CFAP299: variants seen among roughly 807,000 people sequenced by gnomAD.
CFAP299 encodes cilia and flagella associated protein 299, also known as cilia- and flagella-associated protein 299.
Under a neutral mutation model 27.0 loss-of-function variants are expected in CFAP299, and 21 were observed. That is an observed-to-expected ratio of 0.78 (90% CI 0.55 to 1.12). The LOEUF is 1.12. Ranked by LOEUF, CFAP299 falls within the 50% of genes most tolerant of loss-of-function variation. The pLI, the probability that CFAP299 is intolerant of heterozygous loss-of-function variation, is 0.00. For missense variants in CFAP299, 310 were observed against 276.6 expected, an observed-to-expected ratio of 1.12 and a Z score of -0.86; for synonymous variants, 104 against 98.1, an observed-to-expected ratio of 1.06 and a Z score of -0.36.
intron 3 of CFAP299, among the ~76,000 whole-genome samples, chr4:80,862,038 T>A (rs187975097): frequency 8.7e-4 from 132 of 152,312 alleles, no homozygotes; most frequent in African/African-American, 3.0e-3. Context: ...TGAGACAAGA[T>A]ATTCTTAAAT....
At chr4:80,518,266 G>A (rs566261491) in intron 2 of CFAP299, among the ~76,000 whole-genome samples, 6 of 152,216 alleles carry the variant, frequency 3.9e-5, no homozygotes, top group East Asian at 1.9e-4. Flanking sequence ...CAAGAGACTC[G>A]TAGATAAACA....
At chr4:80,867,863 A>G (rs1732838458) in intron 3 of CFAP299, among the ~76,000 whole-genome samples, 1 of 152,216 alleles carries the variant, frequency 6.6e-6, no homozygotes, top group Admixed American at 6.6e-5. Context: ...CCATGGCACT[A>G]TCTTTACATT....
At chr4:80,489,602 A>G (rs530551998) in intron 2 of CFAP299, among the ~76,000 whole-genome samples, 1 of 152,358 alleles carries the variant, frequency 6.6e-6, no homozygotes, top group East Asian at 1.9e-4. Context: ...ACTTTAATTC[A>G]GACAGCTGAC....
At chr4:80,824,584 T>C (rs1474938720) in intron 3 of CFAP299, among the ~76,000 whole-genome samples, 1 of 152,066 alleles carries the variant, frequency 6.6e-6, no homozygotes, top group East Asian at 1.9e-4. Flanking sequence ...GAGCCAGACA[T>C]TAGAGACCAG....
intron 3 of CFAP299, among the ~76,000 whole-genome samples, chr4:80,805,998 CAT>C (rs1257852937): frequency 3.3e-5 from 5 of 152,098 alleles, no homozygotes; most frequent in African/African-American, 1.2e-4. Context: ...GAATTAATAA[CAT>C]GTAAAATAAT....
chr4:80,326,095 T>C, the CFAP299 span, among the ~76,000 whole-genome samples: 2 of 152,252 alleles, frequency 1.3e-5, no homozygotes, highest in Non-Finnish European at 2.9e-5. Context: ...CAACTGTCGA[T>C]ATTAGATCCT....
At chr4:80,658,291 G>A (rs1259306854) in intron 3 of CFAP299, among the ~76,000 whole-genome samples, 1 of 152,102 alleles carries the variant, frequency 6.6e-6, no homozygotes, top group African/African-American at 2.4e-5. Context: ...GGTGAGAGAG[G>A]ACATCCTTGT....
At chr4:80,430,485 G>A (rs1038650636) in intron 2 of CFAP299, among the ~76,000 whole-genome samples, 17 of 152,120 alleles carry the variant, frequency 1.1e-4, no homozygotes, top group African/African-American at 3.9e-4. Flanking sequence ...GGTGCTCTGG[G>A]GATCAGTCCT....
chr4:80,658,282 G>A (rs1269158220), intron 3 of CFAP299, among the ~76,000 whole-genome samples: 1 of 152,174 alleles, frequency 6.6e-6, no homozygotes, highest in African/African-American at 2.4e-5. Context: ...AATAGGGGTG[G>A]TGAGAGAGGA....
intron 3 of CFAP299, among the ~76,000 whole-genome samples, chr4:80,813,060 G>C (rs972042421): frequency 1.3e-5 from 2 of 151,998 alleles, no homozygotes; most frequent in African/African-American, 4.8e-5. Flanking sequence ...AAATATTTTA[G>C]CTGAACACTT....
chr4:80,905,832 A>G (rs1735155147), intron 4 of CFAP299, among the ~76,000 whole-genome samples: 1 of 152,166 alleles, frequency 6.6e-6, no homozygotes, highest in South Asian at 2.1e-4. Flanking sequence ...AGCTCCTCCC[A>G]TGACGTGGGG....
chr4:80,881,249 G>C (rs1288530396), intron 4 of CFAP299, among the ~76,000 whole-genome samples: 1 of 152,174 alleles, frequency 6.6e-6, no homozygotes, highest in Non-Finnish European at 1.5e-5. Context: ...ACAGCTCTGT[G>C]AGATTGGAAA....
chr4:80,945,087 C>A, intron 5 of CFAP299, 148 bp downstream of exon 5: 1 of 723,818 alleles, frequency 1.4e-6, no homozygotes, highest in South Asian at 1.8e-5. Flanking sequence ...CATGTACTAC[C>A]TTTTAAAAAA....
At chr4:80,819,310 G>A (rs1208109004) in intron 3 of CFAP299, among the ~76,000 whole-genome samples, 1 of 152,110 alleles carries the variant, frequency 6.6e-6, no homozygotes, top group East Asian at 1.9e-4. Context: ...TGCAACTAAA[G>A]GCCAAGCATA....
intron 3 of CFAP299, among the ~76,000 whole-genome samples, chr4:80,744,117 C>A (rs1359411754): frequency 2.0e-5 from 3 of 152,054 alleles, no homozygotes; most frequent in Non-Finnish European, 2.9e-5. Flanking sequence ...GGATTAAATT[C>A]ATGATTTTCT....
chr4:80,677,143 T>C (rs1719514058), intron 3 of CFAP299, among the ~76,000 whole-genome samples: 2 of 152,062 alleles, frequency 1.3e-5, no homozygotes, highest in African/African-American at 2.4e-5. Flanking sequence ...GTATGTTGTA[T>C]TTCCATTTTT....
chr4:80,708,597 T>G (rs1475962647), intron 3 of CFAP299, among the ~76,000 whole-genome samples: 4 of 152,136 alleles, frequency 2.6e-5, no homozygotes, highest in Middle Eastern at 3.2e-3. Context: ...TATGAAAAAG[T>G]GCCTTTCGTG....
chr4:80,499,174 A>G (rs755039095), intron 2 of CFAP299, among the ~76,000 whole-genome samples: 7 of 152,146 alleles, frequency 4.6e-5, no homozygotes, highest in Non-Finnish European at 7.4e-5. Context: ...TAATCTGAAT[A>G]TCAAACCCCT....
chr4:80,963,597 CAGAAGGA>C lies in CFAP299; in HGVS notation c.691_697del (p.Arg231LeufsTer13), dbSNP rs745984522. On this transcript the variant is annotated frameshift_variant, in exon 6 of 6. Transcript: ENST00000358105. LOFTEE classifies it high-confidence loss of function. ...AAGCTGTCATTTTTGACCACATTTC[CAGAAGGA>C]AGACTTAAGTACCAACATGTTAATT... is the stretch of plus-strand genomic sequence containing the variant. 2 of 1,599,614 alleles carry C rather than the reference CAGAAGGA, an allele frequency of 1.3e-6. No homozygotes were observed. Among genetic ancestry groups the C allele is most frequent in the Admixed American group, 3.4e-5 (2 of 58,864 alleles).
Sources: allele counts gnomAD v4.1 joint callset (sites outside exome capture counted in the v4.1 genomes callset), GRCh38; gene constraint gnomAD v4.1.1; transcripts MANE v1.5; gene names NCBI Gene and HGNC (gene_info 2026-07-23, HGNC 2026-07-21).